Variants in TNFSF4 observed in about 807,000 individuals in gnomAD.
TNFSF4 encodes the protein tumor necrosis factor ligand superfamily member 4.
TNFSF4 carries 4 observed loss-of-function variants against 7.3 expected under a neutral mutation model. The observed-to-expected ratio is 0.55, with a 90% CI of 0.27 to 1.25. The LOEUF is 1.25. Among genes scored for constraint, TNFSF4 ranks in the 50% most tolerant of loss-of-function variants. The pLI is 0.12. For synonymous variants in TNFSF4, 76 were observed against 83.7 expected, an observed-to-expected ratio of 0.91 and a Z score of 0.50; for missense variants, 181 against 208.8, an observed-to-expected ratio of 0.87 and a Z score of 0.82.
chr1:173,231,256 T>A, the TNFSF4 span, among the ~76,000 whole-genome samples: 1 of 152,212 alleles, frequency 6.6e-6, no homozygotes, highest in Admixed American at 6.5e-5. Context: ...CATGATCAAG[T>A]GGGCTTCACC....
At chr1:173,253,250 C>T in the TNFSF4 span, among the ~76,000 whole-genome samples, 1 of 152,178 alleles carries the variant, frequency 6.6e-6, no homozygotes, top group Non-Finnish European at 1.5e-5. Flanking sequence ...GAGCTCAGCT[C>T]TAGTATCCCC....
At chr1:173,216,657 C>T in the TNFSF4 span, among the ~76,000 whole-genome samples, 1 of 152,162 alleles carries the variant, frequency 6.6e-6, no homozygotes, top group South Asian at 2.1e-4. Context: ...TATCTCCACA[C>T]TCATTACCAC....
chr1:173,284,997 C>T, the TNFSF4 span, among the ~76,000 whole-genome samples: 1 of 152,308 alleles, frequency 6.6e-6, no homozygotes, highest in Middle Eastern at 3.4e-3. Context: ...CAGGCTATAT[C>T]TGCCATAAGT....
At chr1:173,378,654 C>G in the TNFSF4 span, among the ~76,000 whole-genome samples, 1 of 152,206 alleles carries the variant, frequency 6.6e-6, no homozygotes, top group African/African-American at 2.4e-5. Context: ...AGAGGGAAAG[C>G]AAATGGAGTG....
the TNFSF4 span, among the ~76,000 whole-genome samples, chr1:173,356,814 G>A: frequency 1.3e-5 from 2 of 152,218 alleles, no homozygotes; most frequent in African/African-American, 4.8e-5. Flanking sequence ...ATTAGGAAGA[G>A]GCAAGCTCTA....
intron 1 of TNFSF4, among the ~76,000 whole-genome samples, chr1:173,189,937 C>T (rs920816157): frequency 2.0e-5 from 3 of 151,718 alleles, no homozygotes; most frequent in Admixed American, 6.6e-5. Flanking sequence ...CTGCTGGGCA[C>T]GGTGGCTCAT....
At chr1:173,405,801 A>C in the TNFSF4 span, among the ~76,000 whole-genome samples, 1 of 152,254 alleles carries the variant, frequency 6.6e-6, no homozygotes, top group Non-Finnish European at 1.5e-5. Flanking sequence ...TCATTGATAA[A>C]TCCAAATTTC....
chr1:173,228,815 G>C, the TNFSF4 span, among the ~76,000 whole-genome samples: 1 of 152,176 alleles, frequency 6.6e-6, no homozygotes, highest in African/African-American at 2.4e-5. Context: ...CAATCAACTG[G>C]AAGAAAGGGG....
chr1:173,332,021 G>A, the TNFSF4 span, among the ~76,000 whole-genome samples: 1 of 152,030 alleles, frequency 6.6e-6, no homozygotes, highest in Admixed American at 6.6e-5. Context: ...CAATGTACAG[G>A]ACAGCTTCTT....
At chr1:173,368,372 A>G in the TNFSF4 span, among the ~76,000 whole-genome samples, 2 of 152,214 alleles carry the variant, frequency 1.3e-5, no homozygotes. Flanking sequence ...AACCACCAGC[A>G]GAACCAACTC....
the TNFSF4 span, among the ~76,000 whole-genome samples, chr1:173,215,003 CA>C: frequency 6.6e-6 from 1 of 152,228 alleles, no homozygotes; most frequent in East Asian, 1.9e-4. Context: ...CCCCCGACCC[CA>C]AATTCATATG....
chr1:173,203,035 T>C (rs1302673251), intron 1 of TNFSF4, among the ~76,000 whole-genome samples: 1 of 152,134 alleles, frequency 6.6e-6, no homozygotes, highest in African/African-American at 2.4e-5. Flanking sequence ...ATCTTGACTG[T>C]GAGTGTAAAT....
chr1:173,233,701 T>C, the TNFSF4 span, among the ~76,000 whole-genome samples: 1 of 152,246 alleles, frequency 6.6e-6, no homozygotes, highest in Non-Finnish European at 1.5e-5. Context: ...AAATAGTCGC[T>C]GAATTAAAAT....
At chr1:173,275,876 A>G in the TNFSF4 span, among the ~76,000 whole-genome samples, 1 of 152,142 alleles carries the variant, frequency 6.6e-6, no homozygotes, top group Non-Finnish European at 1.5e-5. Flanking sequence ...AACAGCTAAC[A>G]CTATATGACA....
At position 173,205,177 on chromosome 1, in the gene TNFSF4, C is replaced by CA. The variant is rs200666668; in HGVS notation, c.153+1846dup. The CA allele has an allele frequency of 1.1e-3, 1,124 of 1,060,400 alleles. 4 individuals are homozygous for CA. The highest frequency in any genetic ancestry group is 7.4e-3 in the African/African-American group (462 of 62,304). The allele number at this position is 1,060,400 out of a possible 1,614,324, so 65.7% of individuals were successfully genotyped here. On this transcript the variant is annotated intron_variant, in intron 1 of 2. Transcript: ENST00000281834. ...AGTGAAGAACTTCAAATATCCTGAG[C>CA]AAAAAAAAGAAATCTATTTTCAGAG...
At chr1:173,413,469 GC>G in the TNFSF4 span, among the ~76,000 whole-genome samples, 1 of 152,200 alleles carries the variant, frequency 6.6e-6, no homozygotes, top group Non-Finnish European at 1.5e-5. Context: ...CACTCTCAGT[GC>G]TGAAAATGCC....
chr1:173,332,299 G>A, the TNFSF4 span, among the ~76,000 whole-genome samples: 1 of 152,180 alleles, frequency 6.6e-6, no homozygotes. Flanking sequence ...CACAAGGGCT[G>A]AGGGGAAGAC....
At chr1:173,397,750 G>C in the TNFSF4 span, among the ~76,000 whole-genome samples, 1 of 152,158 alleles carries the variant, frequency 6.6e-6, no homozygotes, top group African/African-American at 2.4e-5. Flanking sequence ...CTTTTCCCCA[G>C]GTTTACTACC....
the TNFSF4 span, among the ~76,000 whole-genome samples, chr1:173,378,537 T>C: frequency 3.9e-5 from 6 of 152,178 alleles, no homozygotes; most frequent in Non-Finnish European, 5.9e-5. Flanking sequence ...GGCTCATTTT[T>C]TTCTGCACTA....
Sources: allele counts gnomAD v4.1 joint callset (sites outside exome capture counted in the v4.1 genomes callset), GRCh38; gene constraint gnomAD v4.1.1; transcripts MANE v1.5; gene names NCBI Gene and HGNC (gene_info 2026-07-23, HGNC 2026-07-21).